EDN1: variants seen among roughly 807,000 people sequenced by gnomAD.
EDN1 encodes the protein endothelin-1.
A neutral mutation model predicts 21.7 loss-of-function variants in EDN1; 11 were observed. The observed-to-expected ratio is 0.51, with a 90% CI of 0.32 to 0.84. The LOEUF (loss-of-function observed/expected upper bound fraction) is 0.84, where lower values mean the gene tolerates loss of function less well. EDN1 is among the 40% of genes least tolerant of loss of function. The pLI is 0.03. For missense variants in EDN1, 244 were observed against 262.3 expected (o/e 0.93, Z 0.48); for synonymous variants, 85 against 90.6 (o/e 0.94, Z 0.35).
the EDN1 span, among the ~76,000 whole-genome samples, chr6:12,243,878 C>A: frequency 6.6e-6 from 1 of 152,046 alleles, no homozygotes; most frequent in African/African-American, 2.4e-5. Flanking sequence ...TTGGATATAA[C>A]CTAATTTATA....
At chr6:12,285,984 A>T (rs1762554873), upstream of EDN1, among the ~76,000 whole-genome samples, 1 of 152,338 alleles carries the variant, frequency 6.6e-6, no homozygotes, top group Non-Finnish European at 1.5e-5. Flanking sequence ...TTATTTAAGC[A>T]TACCAACCAT....
the EDN1 span, among the ~76,000 whole-genome samples, chr6:12,244,804 C>A: frequency 2.6e-5 from 4 of 152,044 alleles, no homozygotes; most frequent in African/African-American, 9.7e-5. Flanking sequence ...TTAGAGAAGC[C>A]CAGGGGTCCA....
At chr6:12,270,153 A>G in the EDN1 span, among the ~76,000 whole-genome samples, 1 of 151,856 alleles carries the variant, frequency 6.6e-6, no homozygotes, top group Non-Finnish European at 1.5e-5. Context: ...TGCTGACTTT[A>G]TGTATTTGGC....
chr6:12,254,333 G>A, the EDN1 span, among the ~76,000 whole-genome samples: 243 of 152,258 alleles, frequency 1.6e-3, 3 homozygotes, highest in African/African-American at 5.7e-3. Context: ...TTCCTATTGA[G>A]TTTAGACACC....
chr6:12,237,249 C>T, the EDN1 span, among the ~76,000 whole-genome samples: 1 of 152,040 alleles, frequency 6.6e-6, no homozygotes, highest in Admixed American at 6.6e-5. Flanking sequence ...GGGGTTGGTT[C>T]CAAGTCTTTG....
At chr6:12,286,639 C>T (rs993883248), upstream of EDN1, among the ~76,000 whole-genome samples, 3 of 152,112 alleles carry the variant, frequency 2.0e-5, no homozygotes, top group Admixed American at 6.5e-5. Flanking sequence ...AATTTTATTA[C>T]GCAAAAGTTG....
chr6:12,292,657 C>A, intron 2 of EDN1, 148 bp downstream of exon 2: 1 of 973,180 alleles, frequency 1.0e-6, no homozygotes, highest in Non-Finnish European at 1.6e-6. Flanking sequence ...TCCCTCTATT[C>A]CTGAAAATAA....
chr6:12,271,385 T>C, the EDN1 span, among the ~76,000 whole-genome samples: 1 of 152,148 alleles, frequency 6.6e-6, no homozygotes, highest in Non-Finnish European at 1.5e-5. Flanking sequence ...GGGGCTTACA[T>C]AAAATATTGT....
the EDN1 span, among the ~76,000 whole-genome samples, chr6:12,243,570 C>T: frequency 6.6e-5 from 10 of 152,168 alleles, no homozygotes; most frequent in Admixed American, 5.2e-4. Flanking sequence ...AACCCAATGT[C>T]TATACTGGTG....
At chr6:12,293,895 A>G in intron 2 of EDN1, 46 bp from the exon 3 acceptor site, 1 of 1,599,408 alleles carries the variant, frequency 6.3e-7, no homozygotes, top group Non-Finnish European at 8.6e-7. Flanking sequence ...CATTTTAAAG[A>G]CTATTAATTA....
At chr6:12,235,005 T>C in the EDN1 span, among the ~76,000 whole-genome samples, 1 of 152,356 alleles carries the variant, frequency 6.6e-6, no homozygotes, top group South Asian at 2.1e-4. Context: ...TTTTATCATA[T>C]TCATTGTTTG....
chr6:12,284,752 A>AAGG, the EDN1 span, among the ~76,000 whole-genome samples: 17 of 126,560 alleles, frequency 1.3e-4, no homozygotes, highest in Admixed American at 3.0e-4. Context: ...AGGAAGGAAG[A>AAGG]AAGAAAGAAA....
chr6:12,253,825 T>C, the EDN1 span, among the ~76,000 whole-genome samples: 3 of 152,204 alleles, frequency 2.0e-5, no homozygotes, highest in African/African-American at 7.2e-5. Flanking sequence ...GCCAAAAACC[T>C]GGGCATCATT....
the EDN1 span, among the ~76,000 whole-genome samples, chr6:12,232,314 A>T: frequency 4.6e-5 from 7 of 150,730 alleles, no homozygotes; most frequent in Non-Finnish European, 4.4e-5. Flanking sequence ...CATATATCTG[A>T]TTAGATCACC....
chr6:12,288,099 G>A (rs905693263), upstream of EDN1, among the ~76,000 whole-genome samples: 1 of 152,106 alleles, frequency 6.6e-6, no homozygotes, highest in Non-Finnish European at 1.5e-5. Context: ...AGTGGGGTGG[G>A]AGAAGGGACT....
chr6:12,237,657 C>T, the EDN1 span, among the ~76,000 whole-genome samples: 1 of 152,132 alleles, frequency 6.6e-6, no homozygotes. Context: ...TGACCTGCTA[C>T]TCCGGGGCTG....
At chr6:12,290,780 C>T (rs907996496) in intron 1 of EDN1, 87 bp downstream of exon 1, 6 of 1,253,108 alleles carry the variant, frequency 4.8e-6, no homozygotes, top group Non-Finnish European at 7.0e-6. Flanking sequence ...TTCTATTTTT[C>T]CCCGTTCTTT....
chr6:12,262,032 GA>G, the EDN1 span, among the ~76,000 whole-genome samples: 4,352 of 152,220 alleles, frequency 0.029, 205 homozygotes, highest in African/African-American at 0.097. Context: ...CATTTCAAAT[GA>G]AACTTCGGAA....
the EDN1 span, among the ~76,000 whole-genome samples, chr6:12,261,622 T>C: frequency 4.7e-3 from 716 of 152,348 alleles, 7 homozygotes; most frequent in African/African-American, 0.017. Flanking sequence ...TACAGAACAC[T>C]TCCCCTAATG....
Sources: gnomAD v4.1 joint callset for allele counts (sites outside exome capture counted in the v4.1 genomes callset) on GRCh38, gnomAD v4.1.1 for gene constraint, MANE v1.5 for transcripts, NCBI Gene and HGNC (gene_info 2026-07-23, HGNC 2026-07-21) for gene names.